Variants in RDH16 observed in about 807,000 individuals in gnomAD.
RDH16 encodes human epidermal retinol dehydrogenase.
RDH16 carries 25 observed loss-of-function variants against 22.3 expected under a neutral mutation model. The ratio of observed to expected loss-of-function variants is 1.12; its 90% CI spans 0.82 to 1.56. The LOEUF (loss-of-function observed/expected upper bound fraction) is 1.56, where lower values mean the gene tolerates loss of function less well. RDH16 is among the 40% of genes most tolerant of loss of function. RDH16 has a pLI of 0.00. For synonymous variants in RDH16, 154 were observed against 164.4 expected (o/e 0.94, Z 0.48); for missense variants, 413 against 394.9 (o/e 1.05, Z -0.39).
intron 1 of RDH16, among the ~76,000 whole-genome samples, chr12:56,956,947 A>G (rs1412101587): frequency 6.6e-6 from 1 of 152,194 alleles, no homozygotes; most frequent in African/African-American, 2.4e-5. Flanking sequence ...ACTCTCCCCA[A>G]GACTAGACAC....
At position 56,957,197 on chromosome 12, in the gene RDH16, C is replaced by T. The variant is rs759331740; in HGVS notation, c.266G>A (p.Ser89Asn). ...TVTLDVTKTE[S>N]VAAAAQWVKE... The stretch of plus-strand genomic sequence containing the variant: ...CACCCACTGGGCGGCTGCAGCAACG[C>T]TCTCTGTCTTGGTAACATCCAGGGT... Residue 89 changes from serine to asparagine, a missense_variant, in exon 1 of 4, where the codon AGC (serine) becomes AAC (asparagine). By Grantham distance (46) the Ser-to-Asn change is conservative. Transcript: ENST00000398138. The T allele has an allele frequency of 9.3e-6, 15 of 1,613,874 alleles. No homozygotes were observed. In the African/African-American group the frequency reaches 1.9e-4, roughly 20 times the overall value.
intron 2 of RDH16, 138 bp downstream of exon 2, chr12:56,954,768 G>C: frequency 1.1e-6 from 1 of 919,196 alleles, no homozygotes; most frequent in Non-Finnish European, 1.6e-6. Context: ...AGAGGAAGAT[G>C]AGGGTGTCAC....
At position 56,952,305 on chromosome 12, in the gene RDH16, A is replaced by T; in HGVS notation, c.737-59T>A. On this transcript the variant is annotated intron_variant, in intron 3 of 3. Transcript: ENST00000398138. Reference sequence around the variant, plus strand: ...CCACCTCTAACCGCTCCTGCTTTGGATTCAACTTAGAGTGGAAAGGGTCTA... The same window carrying T: ...CCACCTCTAACCGCTCCTGCTTTGGTTTCAACTTAGAGTGGAAAGGGTCTA... The T allele has an allele frequency of 1.3e-6, 2 of 1,516,014 alleles. 1 individual carries two copies. Among genetic ancestry groups the T allele is most frequent in the East Asian group, 4.8e-5 (2 of 41,960 alleles). 93.9% of individuals were successfully genotyped at this position (1,516,014 alleles called of 1,614,324 possible). A position where few individuals can be genotyped will look rare whatever the true frequency, so the allele number is the denominator to read the frequency against.
At chr12:56,952,712 CTG>C (rs1955892898) in intron 3 of RDH16, 113 bp downstream of exon 3, 1 of 1,313,240 alleles carries the variant, frequency 7.6e-7, no homozygotes, top group Non-Finnish European at 1.0e-6. Flanking sequence ...GGTCTCCACT[CTG>C]TGGGGAAGGG....
Position 56,951,669 on chromosome 12 carries a change from G to A in RDH16, c.*360C>T. ...CCAGAATTAACACACAGCCTGATAA[G>A]GAAGCAGGAGGTAATGGCATGGGCT... On this transcript the variant is annotated 3_prime_UTR_variant, in exon 4 of 4. Coordinates refer to ENST00000398138, the MANE Select transcript of RDH16 (RefSeq NM_003708.5). 3.5e-6 allele frequency: 1 copy of A among 289,468 alleles called. No homozygotes were observed. Among genetic ancestry groups the A allele is most frequent in the Non-Finnish European group, 6.7e-6 (1 of 148,456 alleles). The allele number at this position is 289,468 out of a possible 1,614,324, so 17.9% of individuals were successfully genotyped here.
At position 56,954,920 on chromosome 12, in the gene RDH16, G is replaced by A. The variant is rs1955913035; in HGVS notation, c.558C>T (p.Phe186=). ...CAGACCCATACCTGAGGGAGTCAGAGAAGGCTTCCACGCCATACTTGGAGA... is the reference window on the plus strand; with the variant it reads ...CAGACCCATACCTGAGGGAGTCAGAAAAGGCTTCCACGCCATACTTGGAGA... The part of the protein sequence containing the change: ...YCISKYGVEA[F]SDSLRRELSY... The change falls in exon 2 of 4, where the codon TTC becomes TTT. Residue 186 remains phenylalanine, a synonymous_variant. Transcript: ENST00000398138. The A allele has an allele frequency of 6.2e-7, 1 of 1,614,130 alleles. No individual in the cohort carries two copies. Among genetic ancestry groups the A allele is most frequent in the African/African-American group, 1.3e-5 (1 of 75,046 alleles).
intron 1 of RDH16, among the ~76,000 whole-genome samples, chr12:56,955,590 T>C (rs769091852): frequency 2.6e-5 from 4 of 152,038 alleles, no homozygotes; most frequent in Non-Finnish European, 5.9e-5. Context: ...CCAGCAACTA[T>C]CTGTTGATGG....
At chr12:56,956,086 T>C (rs1217555561) in intron 1 of RDH16, among the ~76,000 whole-genome samples, 1 of 152,198 alleles carries the variant, frequency 6.6e-6, no homozygotes, top group Non-Finnish European at 1.5e-5. Flanking sequence ...CCCAGGCATA[T>C]GAACCTGTCC....
At chr12:56,955,231 G>A (rs1357817460) in intron 1 of RDH16, 67 bp from the exon 2 acceptor site, 14 of 1,575,314 alleles carry the variant, frequency 8.9e-6, no homozygotes, top group Non-Finnish European at 1.0e-5. Context: ...GAGTTAGGGT[G>A]CAAATCACAT....
chr12:56,953,733 C>T (rs1003157431), intron 2 of RDH16, among the ~76,000 whole-genome samples: 1 of 152,192 alleles, frequency 6.6e-6, no homozygotes, highest in Non-Finnish European at 1.5e-5. Flanking sequence ...CCTTACCAGG[C>T]TGCCAGGTGG....
rs765789629 is a variant in RDH16, at chr12:56,952,060, C to T, written c.923G>A (p.Trp308Ter). 8.7e-6 allele frequency: 14 copies of T among 1,614,094 alleles called. No homozygotes were observed. The highest frequency in any genetic ancestry group is 1.6e-4 in the Middle Eastern group (1 of 6,062). Residue 308 changes from tryptophan (W) to a stop codon, truncating the protein, a stop_gained, in exon 4 of 4, where the codon TGG (tryptophan) becomes TAG (stop). Transcript: ENST00000398138. LOFTEE classifies it low-confidence loss of function (END_TRUNC). Reference protein sequence around the residue: ...PTFLVDAIMYWVSPSPAKAL With the variant: ...PTFLVDAIMY ...AGCCTTGGCCGGGCTTGGAGAGACC[C>T]AGTACATAATGGCATCCACCAGGAA... is the stretch of plus-strand genomic sequence containing the variant.
intron 1 of RDH16, among the ~76,000 whole-genome samples, chr12:56,956,751 A>C (rs1955931717): frequency 6.6e-6 from 1 of 152,180 alleles, no homozygotes; most frequent in African/African-American, 2.4e-5. Context: ...TGGGAACATA[A>C]GCCTGGCTCC....
In RDH16 at chr12:56,957,258, G is replaced by C; in HGVS notation, c.205C>G (p.Leu69Val). Residue 69 changes from leucine (L) to valine (V), a missense_variant, in exon 1 of 4, where the codon CTG (leucine) becomes GTG (valine). By Grantham distance (32) the Leu-to-Val change is conservative. Coordinates refer to ENST00000398138, the MANE Select transcript of RDH16 (RefSeq NM_003708.5). ...AGCCTGTCTGAAGTCTGGCCCCTCAGCTGCTCGGCTCCTTTCTCCGTCAGA... is the reference window on the plus strand; with the variant it reads ...AGCCTGTCTGAAGTCTGGCCCCTCACCTGCTCGGCTCCTTTCTCCGTCAGA... ...ACLTEKGAEQ[L>V]RGQTSDRLET... is the part of the protein sequence containing the mutation. The C allele has an allele frequency of 6.2e-7, 1 of 1,614,194 alleles. No homozygotes were observed.
Position 56,952,920 on chromosome 12 carries a change from T to A in RDH16, c.643A>T (p.Ser215Cys). ...EPGYFKTAVT[S>C]KERFLKSFLE... ...AAGCTCTTTAAGAATCTCTCCTTAC[T>A]GGTCACAGCAGTCTTGAAATAGCCA... The change falls in exon 3 of 4, where the codon AGT (serine) becomes TGT (cysteine). Residue 215 changes from serine (S) to cysteine (C), a missense_variant. Physicochemically the swap from Ser to Cys is moderately radical, Grantham distance 112. Coordinates refer to ENST00000398138, the MANE Select transcript of RDH16 (RefSeq NM_003708.5). 6.2e-7 allele frequency: 1 copy of A among 1,614,096 alleles called. No homozygotes were observed. The highest frequency in any genetic ancestry group is 8.5e-7 in the Non-Finnish European group (1 of 1,180,004).
In RDH16 at chr12:56,952,835, AC is replaced by A; in HGVS notation, c.727del (p.Val243LeufsTer22). 2.5e-6 allele frequency: 4 copies of A among 1,612,854 alleles called. No individual in the cohort carries two copies. The highest frequency in any genetic ancestry group is 3.4e-6 in the Non-Finnish European group (4 of 1,179,488). On this transcript the variant is annotated frameshift_variant, in exon 3 of 4. Coordinates refer to ENST00000398138, the MANE Select transcript of RDH16 (RefSeq NM_003708.5). LOFTEE classifies it low-confidence loss of function (END_TRUNC). ...GTCCACAGCTTACTCACAGTCTGCA[AC>A]AAACTTCTCGCCATAGGCCTCCTTG... ...EVKEAYGEKF[V>X]ADYKKSAEQM...
At chr12:56,952,278 T>C (rs1470931579) in intron 3 of RDH16, 32 bp from the exon 4 acceptor site, 1 of 1,598,306 alleles carries the variant, frequency 6.3e-7, no homozygotes, top group South Asian at 1.1e-5. Context: ...CCATGTATAT[T>C]TCCACCTCTA....
chr12:56,954,782 T>G, intron 2 of RDH16, 124 bp downstream of exon 2: 1 of 1,028,502 alleles, frequency 9.7e-7, no homozygotes, highest in Non-Finnish European at 1.4e-6. Flanking sequence ...GTGTCACACA[T>G]GAAGACAGAG....
chr12:56,954,818 G>T (rs552521743), intron 2 of RDH16, 88 bp downstream of exon 2: 6 of 1,402,118 alleles, frequency 4.3e-6, no homozygotes, highest in Non-Finnish European at 5.9e-6. Flanking sequence ...GGAACTTACA[G>T]GCTGGGATTC....
intron 1 of RDH16, among the ~76,000 whole-genome samples, chr12:56,956,443 G>A (rs1398971119): frequency 1.3e-5 from 2 of 152,058 alleles, no homozygotes; most frequent in Non-Finnish European, 2.9e-5. Context: ...ATTGTAAAAA[G>A]GACTTATGTG....
Sources: allele counts gnomAD v4.1 joint callset (sites outside exome capture counted in the v4.1 genomes callset), GRCh38; gene constraint gnomAD v4.1.1; transcripts MANE v1.5; gene names NCBI Gene and HGNC (gene_info 2026-07-23, HGNC 2026-07-21).